Variants in ZNF624 observed in about 807,000 individuals in gnomAD.
ZNF624 encodes the protein zinc finger protein 624.
A neutral mutation model predicts 74.7 loss-of-function variants in ZNF624; 43 were observed. The observed-to-expected ratio is 0.58, with a 90% confidence interval of 0.45 to 0.74. ZNF624 has a LOEUF of 0.74. Ranked by LOEUF, ZNF624 falls within the 30% of genes least tolerant of loss-of-function variation. ZNF624 has a pLI of 0.00. For missense variants in ZNF624, 820 were observed against 1,030.0 expected (o/e 0.80, Z 2.79); for synonymous variants, 331 against 341.3 (o/e 0.97, Z 0.33).
chr17:16,643,453 A>G (rs1909513176), intron 3 of ZNF624, among the ~76,000 whole-genome samples: 1 of 152,228 alleles, frequency 6.6e-6, no homozygotes, highest in Non-Finnish European at 1.5e-5. Context: ...CATTTCATTT[A>G]TATGAAATGT....
intron 2 of ZNF624, 83 bp from the exon 3 acceptor site, chr17:16,647,477 T>C (rs1438717242): frequency 5.2e-6 from 6 of 1,144,798 alleles, no homozygotes; most frequent in South Asian, 1.2e-5. Flanking sequence ...ACCAATCCAC[T>C]GTGGATGCAG....
chr17:16,622,147 A>C lies in ZNF624; in HGVS notation c.*141T>G. The C allele has an allele frequency of 1.8e-6, 1 of 561,640 alleles. No homozygotes were observed. The highest frequency in any genetic ancestry group is 2.8e-6 in the Non-Finnish European group (1 of 351,542). 34.8% of individuals were successfully genotyped at this position (561,640 alleles called of 1,614,324 possible). ...TAACTTCTAAGATTTAATATTATTA[A>C]ATGATTTCCCACATAATTGCTTATA... On this transcript the variant is annotated 3_prime_UTR_variant, in exon 6 of 6. Coordinates refer to ENST00000311331, the MANE Select transcript of ZNF624 (RefSeq NM_020787.4).
In ZNF624 at chr17:16,634,652, A is replaced by C; in HGVS notation, c.258T>G (p.Asn86Lys). Residue 86 changes from asparagine to lysine, a missense_variant, in exon 4 of 6, where the codon AAT (asparagine) becomes AAG (lysine). Transcript: ENST00000311331. ...TACCCAGGGAGACCAGATTCCTGTA[A>C]TTCTCTAGCATCACATCCTTGTGCA... is the stretch of plus-strand genomic sequence containing the variant. ...RNLHKDVMLE[N>K]YRNLVSLGLA... 2 of 1,613,536 alleles carry C rather than the reference A, an allele frequency of 1.2e-6. No homozygotes were observed. Among genetic ancestry groups the C allele is most frequent in the Non-Finnish European group, 8.5e-7 (1 of 1,179,660 alleles).
chr17:16,634,007 T>C, intron 4 of ZNF624, 50 bp from the exon 5 acceptor site: 1 of 1,460,674 alleles, frequency 6.8e-7, no homozygotes, highest in East Asian at 2.3e-5. Context: ...GAGCAAGAAC[T>C]CCTGCCAAAT....
downstream of ZNF624, among the ~76,000 whole-genome samples, chr17:16,619,552 T>C (rs148179218): frequency 2.6e-5 from 4 of 152,330 alleles, no homozygotes; most frequent in African/African-American, 7.2e-5. Context: ...CCAAAGAAGA[T>C]ATTTAAAAAG....
In ZNF624 at chr17:16,637,646, G is replaced by A. The variant is rs557018085; in HGVS notation, c.154-2890C>T. ...ATTCCATATTTAAAAAATGGTGCTC[G>A]GAAAACTGGCTGGCCATATGTAGAA... On this transcript the variant is annotated intron_variant, in intron 3 of 5. Coordinates refer to ENST00000311331, the MANE Select transcript of ZNF624 (RefSeq NM_020787.4). Among the ~76,000 whole-genome samples, 69 of 152,248 alleles carry A rather than the reference G, an allele frequency of 4.5e-4. 2 individuals are homozygous for A. In the South Asian group the frequency reaches 0.01, roughly 23 times the overall value.
chr17:16,622,821 T>A lies in ZNF624; in HGVS notation c.2065A>T (p.Arg689Trp). 1 of 1,614,086 alleles carries A rather than the reference T, an allele frequency of 6.2e-7. No homozygotes were observed. The highest frequency in any genetic ancestry group is 8.5e-7 in the Non-Finnish European group (1 of 1,179,990). The change falls in exon 6 of 6, where the codon AGG becomes TGG. Residue 689 changes from arginine to tryptophan, a missense_variant. Transcript: ENST00000311331. ...TTATAGGGCTTCTCTCCAGTATGCC[T>A]TCGTTGGTGCACGGTAAGCTGTGAT... ...NTSQLTVHQR[R>W]HTGEKPYKCN...
chr17:16,634,746 G>A lies in ZNF624; in HGVS notation c.164C>T (p.Thr55Ile). 6.2e-7 allele frequency: 1 copy of A among 1,612,204 alleles called. No individual in the cohort carries two copies. Among genetic ancestry groups the A allele is most frequent in the Non-Finnish European group, 8.5e-7 (1 of 1,179,106 alleles). The stretch of plus-strand genomic sequence containing the variant: ...GAAGTCTATAGCCACATCCTTAAAT[G>A]TCACCGATTCCTAAAACAATTACAT... ...EETQLVKESV[T>I]FKDVAIDFTL... Residue 55 changes from threonine to isoleucine, a missense_variant, in exon 4 of 6, where the codon ACA becomes ATA. Coordinates refer to ENST00000311331, the MANE Select transcript of ZNF624 (RefSeq NM_020787.4).
intron 3 of ZNF624, among the ~76,000 whole-genome samples, chr17:16,637,604 C>A (rs1050650927): frequency 6.6e-6 from 1 of 152,144 alleles, no homozygotes; most frequent in Non-Finnish European, 1.5e-5. Context: ...CTGACAAAAA[C>A]AAGAAATGGG....
chr17:16,633,911 C>G lies in ZNF624; in HGVS notation c.327G>C (p.Gly109=). ...KPDMISHLEN[G]KGPWVTVREI... The stretch of plus-strand genomic sequence containing the variant: ...CTCTCACCGTCACCCATGGTCCTTT[C>G]CCATTCTCCAAATGAGATATCATGT... Residue 109 remains glycine, a synonymous_variant, in exon 5 of 6, where the codon GGG becomes GGC. Transcript: ENST00000311331. The G allele has an allele frequency of 6.2e-7, 1 of 1,613,706 alleles. No homozygotes were observed. The highest frequency in any genetic ancestry group is 8.5e-7 in the Non-Finnish European group (1 of 1,179,718).
chr17:16,624,648 GAGA>G (rs1021105625), intron 5 of ZNF624, 139 bp from the exon 6 acceptor site: 15 of 796,936 alleles, frequency 1.9e-5, no homozygotes, highest in African/African-American at 1.8e-4. Flanking sequence ...GTTTTTTAGT[GAGA>G]AGAAGGTAGG....
downstream of ZNF624, chr17:16,617,442 A>G (rs1425280790): frequency 1.2e-6 from 2 of 1,612,072 alleles, no homozygotes; most frequent in Admixed American, 1.7e-5. Context: ...TTACACCCTC[A>G]TTTGTTCCTT....
chr17:16,645,258 G>A (rs1464505613), intron 3 of ZNF624, among the ~76,000 whole-genome samples: 5 of 152,060 alleles, frequency 3.3e-5, no homozygotes, highest in Admixed American at 6.5e-5. Context: ...TGGCCAACAC[G>A]GTGAAACCCC....
intron 3 of ZNF624, among the ~76,000 whole-genome samples, chr17:16,640,117 T>C (rs9889590): frequency 0.17 from 26,025 of 152,036 alleles, 3,004 homozygotes; most frequent in African/African-American, 0.31. Flanking sequence ...AGTTGAAAAG[T>C]ATAATAACTG....
At chr17:16,636,835 C>CAAA (rs371820225) in intron 3 of ZNF624, among the ~76,000 whole-genome samples, 11 of 125,500 alleles carry the variant, frequency 8.8e-5, no homozygotes, top group African/African-American at 1.8e-4. Context: ...GACTCCGTCT[C>CAAA]AAAAAAAAAA....
chr17:16,653,713 C>T (rs9899785), intron 1 of ZNF624, 51 bp downstream of exon 1: 21,717 of 152,948 alleles, frequency 0.14, 1,741 homozygotes, highest in East Asian at 0.35. Flanking sequence ...AGCCAAGCGC[C>T]AAGGGAGGGG....
At chr17:16,637,904 A>G (rs925081352) in intron 3 of ZNF624, among the ~76,000 whole-genome samples, 1 of 152,172 alleles carries the variant, frequency 6.6e-6, no homozygotes, top group Non-Finnish European at 1.5e-5. Flanking sequence ...GCACAGCAAA[A>G]GAAACTACCA....
chr17:16,621,801 T>C lies in ZNF624; in HGVS notation c.*487A>G, dbSNP rs1359110418. ...AACCTAGGGATTAAGGAGATCTCTT[T>C]TAAGTAAAATGAGTAAAATAAAAAA... On this transcript the variant is annotated 3_prime_UTR_variant, in exon 6 of 6. Coordinates refer to ENST00000311331, the MANE Select transcript of ZNF624 (RefSeq NM_020787.4). 1.3e-5 allele frequency: 2 copies of C among 152,620 alleles called. No individual in the cohort carries two copies. The highest frequency in any genetic ancestry group is 2.4e-5 in the African/African-American group (1 of 41,444). The allele number at this position is 152,620 out of a possible 1,614,324, so 9.5% of individuals were successfully genotyped here. A position where few individuals can be genotyped will look rare whatever the true frequency, so the allele number is the denominator to read the frequency against.
intron 5 of ZNF624, among the ~76,000 whole-genome samples, chr17:16,632,766 G>A (rs2142600011): frequency 6.6e-6 from 1 of 151,390 alleles, no homozygotes; most frequent in South Asian, 2.1e-4. Flanking sequence ...CTATAAACAG[G>A]GTTATTTTCT....
Sources: allele counts gnomAD v4.1 joint callset (sites outside exome capture counted in the v4.1 genomes callset), GRCh38; gene constraint gnomAD v4.1.1; transcripts MANE v1.5; gene names NCBI Gene and HGNC (gene_info 2026-07-23, HGNC 2026-07-21).